TMEM132C: variants seen among roughly 807,000 people sequenced by gnomAD.
TMEM132C encodes transmembrane protein 132C.
In TMEM132C, 29 loss-of-function variants were observed where a neutral mutation model predicts 61.4. The ratio of observed to expected loss-of-function variants is 0.47; its 90% CI spans 0.35 to 0.64. The LOEUF (loss-of-function observed/expected upper bound fraction) is 0.64, where lower values mean the gene tolerates loss of function less well. TMEM132C is among the 30% of genes least tolerant of loss of function. The pLI is 0.00. For missense variants in TMEM132C, 1,408 were observed against 1,476.9 expected (o/e 0.95, Z 0.76); for synonymous variants, 656 against 633.1 (o/e 1.04, Z -0.54).
rs1593064764 is a variant in TMEM132C, at chr12:128,469,939, G to A, written c.974+54319G>A. Among the ~76,000 whole-genome samples the A allele has an allele frequency of 6.6e-5, 10 of 152,130 alleles. 2 individuals are homozygous for A. Among genetic ancestry groups the A allele is most frequent in the Admixed American group, 6.5e-4 (10 of 15,272 alleles). Reference sequence around the variant, plus strand: ...TATATAAATACATACACATATGTGTGTACATTTATATCTGAAATGCAGTTT... The same window carrying A: ...TATATAAATACATACACATATGTGTATACATTTATATCTGAAATGCAGTTT... On this transcript the variant is annotated intron_variant, in intron 2 of 8. Transcript: ENST00000435159.
intron 5 of TMEM132C, among the ~76,000 whole-genome samples, chr12:128,683,991 TAAATAAATAA>T (rs1954655372): frequency 6.6e-6 from 1 of 151,036 alleles, no homozygotes; most frequent in African/African-American, 2.4e-5. Flanking sequence ...AATAAATAAA[TAAATAAATAA>T]ATAAATAAAT....
chr12:128,323,370 T>C (rs1174413250), intron 1 of TMEM132C, among the ~76,000 whole-genome samples: 1 of 152,208 alleles, frequency 6.6e-6, no homozygotes, highest in Non-Finnish European at 1.5e-5. Flanking sequence ...CCCACTGGCC[T>C]AAAAGGAGAG....
intron 1 of TMEM132C, among the ~76,000 whole-genome samples, chr12:128,298,690 C>A (rs1187914271): frequency 6.6e-6 from 1 of 152,226 alleles, no homozygotes; most frequent in Non-Finnish European, 1.5e-5. Flanking sequence ...GAAGACATTT[C>A]TTTGGGGGAA....
At position 128,410,688 on chromosome 12, in the gene TMEM132C, G is replaced by A. The variant is rs568253764; in HGVS notation, c.86-4044G>A. On this transcript the variant is annotated intron_variant, in intron 1 of 8. Coordinates refer to ENST00000435159, the MANE Select transcript of TMEM132C (RefSeq NM_001136103.3). ...CAAAGTGCTGGGATTACAGGCGTGAGCCACCGCGCCTGGCCCTGAATATGT... is the reference window on the plus strand; with the variant it reads ...CAAAGTGCTGGGATTACAGGCGTGAACCACCGCGCCTGGCCCTGAATATGT... Among the ~76,000 whole-genome samples the A allele has an allele frequency of 2.2e-4, 34 of 152,282 alleles. No individual in the cohort carries two copies. The Middle Eastern group carries it at 0.017, about 76-fold the overall frequency.
At chr12:128,319,775 G>C (rs1452789117) in intron 1 of TMEM132C, among the ~76,000 whole-genome samples, 2 of 151,244 alleles carry the variant, frequency 1.3e-5, no homozygotes, top group East Asian at 3.9e-4. Context: ...GCAGTGAGCC[G>C]AGATTGCGCC....
chr12:128,351,635 G>C (rs1873340200), intron 1 of TMEM132C, among the ~76,000 whole-genome samples: 2 of 152,038 alleles, frequency 1.3e-5, no homozygotes, highest in South Asian at 4.2e-4. Flanking sequence ...AAGTGAATTG[G>C]AGCAGGTGTG....
At position 128,666,405 on chromosome 12, in the gene TMEM132C, C is replaced by T. The variant is rs565231133; in HGVS notation, c.1306-3012C>T. On this transcript the variant is annotated intron_variant, in intron 4 of 8. Transcript: ENST00000435159. ...TGAATCTTGCACTTGGACTTCCCAG[C>T]CTCCAGAACTGTAAGAAACAAATTT... 2.6e-5 allele frequency among the ~76,000 whole-genome samples: 4 copies of T among 152,298 alleles called. No homozygotes were observed. The South Asian group carries it at 6.2e-4, about 24-fold the overall frequency.
chr12:128,452,843 T>C (rs905774373), intron 2 of TMEM132C, among the ~76,000 whole-genome samples: 1 of 152,216 alleles, frequency 6.6e-6, no homozygotes, highest in South Asian at 2.1e-4. Flanking sequence ...TAATTACATA[T>C]GTATCGTTAG....
chr12:128,530,571 G>A, intron 2 of TMEM132C, among the ~76,000 whole-genome samples: 1 of 152,020 alleles, frequency 6.6e-6, no homozygotes, highest in Non-Finnish European at 1.5e-5. Context: ...AGCCTCCCGA[G>A]TAGCTGGGAT....
intron 1 of TMEM132C, among the ~76,000 whole-genome samples, chr12:128,375,060 G>T (rs1318477241): frequency 1.3e-5 from 2 of 151,864 alleles, no homozygotes; most frequent in African/African-American, 4.8e-5. Context: ...GGTATCCTGT[G>T]TACTATGCAA....
intron 4 of TMEM132C, among the ~76,000 whole-genome samples, chr12:128,618,984 G>T (rs1028983474): frequency 6.6e-6 from 1 of 152,118 alleles, no homozygotes; most frequent in Non-Finnish European, 1.5e-5. Context: ...TTTTCTGTAT[G>T]TTCAAAGTTT....
At chr12:128,404,975 C>T (rs1030506926) in intron 1 of TMEM132C, among the ~76,000 whole-genome samples, 24 of 70,760 alleles carry the variant, frequency 3.4e-4, no homozygotes, top group Non-Finnish European at 6.0e-4. Context: ...CAGCAATGAA[C>T]GTGCTGTCCA....
intron 3 of TMEM132C, among the ~76,000 whole-genome samples, chr12:128,595,853 C>T (rs1480817106): frequency 1.3e-5 from 2 of 152,246 alleles, no homozygotes; most frequent in Admixed American, 1.3e-4. Context: ...AGCTTTAAAA[C>T]AGAGGAGCAT....
chr12:128,575,129 C>G (rs1279500106), intron 3 of TMEM132C, among the ~76,000 whole-genome samples: 1 of 152,206 alleles, frequency 6.6e-6, no homozygotes, highest in Non-Finnish European at 1.5e-5. Context: ...CTTTGACCAG[C>G]ATTTACATTG....
chr12:128,464,697 T>C (rs1870661845), intron 2 of TMEM132C, among the ~76,000 whole-genome samples: 1 of 152,028 alleles, frequency 6.6e-6, no homozygotes, highest in Non-Finnish European at 1.5e-5. Flanking sequence ...TCCAGGAGTT[T>C]GGGACTTCAG....
intron 1 of TMEM132C, among the ~76,000 whole-genome samples, chr12:128,282,397 G>A (rs930734090): frequency 6.6e-6 from 1 of 152,226 alleles, no homozygotes; most frequent in African/African-American, 2.4e-5. Context: ...TACAATCATG[G>A]CAGAAGGCAA....
chr12:128,514,062 C>G (rs1214901778), intron 2 of TMEM132C, among the ~76,000 whole-genome samples: 1 of 152,176 alleles, frequency 6.6e-6, no homozygotes, highest in Non-Finnish European at 1.5e-5. Flanking sequence ...GCAGGGTAGT[C>G]AGAAATCCCA....
rs146717654 is a variant in TMEM132C at position 128,482,491 on chromosome 12, A to C, written c.975-61466A>C. ...GTATCAGGATGATGCTGGCCTCATA[A>C]AATGAGTTAGGGAAAAGTCCCTCTT... On this transcript the variant is annotated intron_variant, in intron 2 of 8. Transcript: ENST00000435159. 3.1e-3 allele frequency among the ~76,000 whole-genome samples: 477 copies of C among 152,294 alleles called. 4 individuals are homozygous for C. Among genetic ancestry groups the C allele is most frequent in the African/African-American group, 0.011 (452 of 41,554 alleles).
chr12:128,624,982 G>T (rs551707874), intron 4 of TMEM132C, among the ~76,000 whole-genome samples: 3 of 152,092 alleles, frequency 2.0e-5, no homozygotes, highest in Non-Finnish European at 2.9e-5. Flanking sequence ...ACACAGTCCC[G>T]AGAGAAACTA....
Sources: allele counts gnomAD v4.1 joint callset (sites outside exome capture counted in the v4.1 genomes callset), GRCh38; gene constraint gnomAD v4.1.1; transcripts MANE v1.5; gene names NCBI Gene and HGNC (gene_info 2026-07-23, HGNC 2026-07-21).